LSAMP: variants seen among roughly 807,000 people sequenced by gnomAD.
The protein encoded by LSAMP is limbic system-associated membrane protein.
In LSAMP, 7 loss-of-function variants were observed where a neutral mutation model predicts 38.6. That is an observed-to-expected ratio of 0.18 (90% CI 0.10 to 0.34). LSAMP has a LOEUF of 0.34. LSAMP is among the 10% of genes least tolerant of loss of function. The pLI, the probability that LSAMP is intolerant of heterozygous loss-of-function variation, is 1.00. For synonymous variants in LSAMP, 154 were observed against 166.8 expected (o/e 0.92, Z 0.59); for missense variants, 313 against 420.0 (o/e 0.75, Z 2.23).
At chr3:116,020,656 C>T (rs1940612657) in intron 2 of LSAMP, among the ~76,000 whole-genome samples, 2 of 152,186 alleles carry the variant, frequency 1.3e-5, no homozygotes, top group African/African-American at 4.8e-5. Context: ...TGACTTCCTT[C>T]ATTAGTGTTC....
chr3:116,212,615 G>C (rs1378383977), intron 1 of LSAMP, among the ~76,000 whole-genome samples: 1 of 151,510 alleles, frequency 6.6e-6, no homozygotes, highest in African/African-American at 2.4e-5. Context: ...GAGTTGATTA[G>C]ATACTAAAAA....
At chr3:115,929,519 T>C (rs1303540592) in intron 3 of LSAMP, among the ~76,000 whole-genome samples, 1 of 152,084 alleles carries the variant, frequency 6.6e-6, no homozygotes, top group East Asian at 1.9e-4. Context: ...AAAACTTTCT[T>C]GATCTACTGA....
At chr3:115,982,792 A>ATTTATT (rs1056125360) in intron 3 of LSAMP, among the ~76,000 whole-genome samples, 1 of 151,654 alleles carries the variant, frequency 6.6e-6, no homozygotes, top group African/African-American at 2.4e-5. Context: ...AGTACCTGAG[A>ATTTATT]TTTATTTTTA....
chr3:115,932,439 G>A lies in LSAMP; in HGVS notation c.515-79822C>T, dbSNP rs572521520. On this transcript the variant is annotated intron_variant, in intron 3 of 6. Transcript: ENST00000490035. ...AATAAAAACGTTTTCTGGTGAGAAA[G>A]GGGAGTATGTCATTCCAGGTAGTGG... 9.8e-5 allele frequency among the ~76,000 whole-genome samples: 15 copies of A among 152,326 alleles called. No homozygotes were observed. In the South Asian group the frequency reaches 3.1e-3, roughly 32 times the overall value.
intron 1 of LSAMP, among the ~76,000 whole-genome samples, chr3:116,381,528 T>G (rs2048558591): frequency 6.6e-6 from 1 of 152,100 alleles, no homozygotes; most frequent in Admixed American, 6.6e-5. Context: ...AATGCTATCT[T>G]AAAATGACAA....
chr3:116,236,169 T>C (rs1166132838), intron 1 of LSAMP, among the ~76,000 whole-genome samples: 1 of 152,140 alleles, frequency 6.6e-6, no homozygotes, highest in Non-Finnish European at 1.5e-5. Context: ...TTTCATTTTA[T>C]CTCCAAAATA....
At chr3:116,352,203 T>C (rs2048150444) in intron 1 of LSAMP, among the ~76,000 whole-genome samples, 1 of 152,112 alleles carries the variant, frequency 6.6e-6, no homozygotes, top group South Asian at 2.1e-4. Flanking sequence ...AGGGAATCTT[T>C]AAAATCCACA....
At chr3:116,370,906 G>A (rs1225698009) in intron 1 of LSAMP, among the ~76,000 whole-genome samples, 4 of 152,106 alleles carry the variant, frequency 2.6e-5, no homozygotes, top group Non-Finnish European at 5.9e-5. Flanking sequence ...CATCGCTACT[G>A]ATTCAACATA....
intron 1 of LSAMP, among the ~76,000 whole-genome samples, chr3:116,223,536 C>T (rs2107619428): frequency 6.6e-6 from 1 of 152,226 alleles, no homozygotes; most frequent in South Asian, 2.1e-4. Context: ...AATATTGAGA[C>T]TATCATTTTA....
At chr3:116,275,753 C>T (rs909695207) in intron 1 of LSAMP, among the ~76,000 whole-genome samples, 5 of 152,048 alleles carry the variant, frequency 3.3e-5, no homozygotes, top group Admixed American at 2.0e-4. Context: ...CCCTTCTCTC[C>T]TCTCCTATAT....
intron 2 of LSAMP, among the ~76,000 whole-genome samples, chr3:116,066,878 T>C (rs2141627): frequency 0.46 from 69,525 of 151,650 alleles, 17,024 homozygotes; most frequent in African/African-American, 0.64. Flanking sequence ...ACATTCTTCA[T>C]GTTCTTTTTA....
At chr3:116,062,465 G>T (rs913554593) in intron 2 of LSAMP, among the ~76,000 whole-genome samples, 1 of 152,034 alleles carries the variant, frequency 6.6e-6, no homozygotes, top group Non-Finnish European at 1.5e-5. Context: ...GCGGTGAGCC[G>T]GGATTGTGCC....
At chr3:116,163,990 T>C (rs1709968919) in intron 1 of LSAMP, among the ~76,000 whole-genome samples, 1 of 148,838 alleles carries the variant, frequency 6.7e-6, no homozygotes, top group Non-Finnish European at 1.5e-5. Flanking sequence ...TCCAGACAGA[T>C]TCATAGCTGA....
At chr3:116,136,232 C>T (rs1709244990) in intron 1 of LSAMP, among the ~76,000 whole-genome samples, 1 of 152,082 alleles carries the variant, frequency 6.6e-6, no homozygotes, top group South Asian at 2.1e-4. Flanking sequence ...GAACAAATTA[C>T]AAAGGTATTC....
At chr3:115,984,277 A>G (rs1414933298) in intron 3 of LSAMP, among the ~76,000 whole-genome samples, 1 of 152,200 alleles carries the variant, frequency 6.6e-6, no homozygotes, top group African/African-American at 2.4e-5. Flanking sequence ...GATCAATTCA[A>G]ATTTTCTGCA....
intron 3 of LSAMP, among the ~76,000 whole-genome samples, chr3:115,862,456 C>A (rs1035836497): frequency 6.6e-6 from 1 of 152,192 alleles, no homozygotes; most frequent in Admixed American, 6.5e-5. Flanking sequence ...CCTGATGTTG[C>A]AATGACCTCA....
At chr3:115,956,080 T>C (rs910871570) in intron 3 of LSAMP, among the ~76,000 whole-genome samples, 1 of 152,144 alleles carries the variant, frequency 6.6e-6, no homozygotes, top group African/African-American at 2.4e-5. Context: ...TTTACCTCTT[T>C]GCTCAAAACT....
At chr3:115,990,127 T>G (rs553843468) in intron 3 of LSAMP, among the ~76,000 whole-genome samples, 18 of 152,084 alleles carry the variant, frequency 1.2e-4, no homozygotes, top group Non-Finnish European at 2.6e-4. Context: ...CACAGCTGAC[T>G]GTGGTTTTAA....
chr3:115,943,507 T>C (rs911211312), intron 3 of LSAMP, among the ~76,000 whole-genome samples: 11 of 152,150 alleles, frequency 7.2e-5, no homozygotes, highest in African/African-American at 2.7e-4. Context: ...GGCTAATTTT[T>C]CCTATAATCA....
Sources: allele counts gnomAD v4.1 joint callset (sites outside exome capture counted in the v4.1 genomes callset), GRCh38; gene constraint gnomAD v4.1.1; transcripts MANE v1.5; gene names NCBI Gene and HGNC (gene_info 2026-07-23, HGNC 2026-07-21).